Variants in APOOL observed in about 807,000 individuals in gnomAD.
APOOL encodes apolipoprotein O like.
A neutral mutation model predicts 23.1 loss-of-function variants in APOOL; 12 were observed. That is an observed-to-expected ratio of 0.52 (90% confidence interval 0.33 to 0.84). The LOEUF (loss-of-function observed/expected upper bound fraction) is 0.84, where lower values mean the gene tolerates loss of function less well. Among genes scored for constraint, APOOL ranks in the 40% least tolerant of loss-of-function variants. The pLI, the probability that APOOL is intolerant of heterozygous loss-of-function variation, is 0.02. For missense variants in APOOL, 212 were observed against 199.6 expected (o/e 1.06, Z -0.37); for synonymous variants, 77 against 69.9 (o/e 1.10, Z -0.51).
At chrX:85,059,206 C>T (rs894335853) in intron 5 of APOOL, among the ~76,000 whole-genome samples, 1 of 110,124 alleles carries the variant, frequency 9.1e-6, no homozygotes, top group Non-Finnish European at 1.9e-5. Context: ...AGGACATGAA[C>T]TCATCATTTT....
At position 85,042,206 on chromosome X, in the gene APOOL, A is replaced by G. The variant is rs772190491; in HGVS notation, c.16-4240A>G. Among the ~76,000 whole-genome samples the G allele has an allele frequency of 6.2e-5, 7 of 112,402 alleles. No homozygotes were observed. In the East Asian group the frequency reaches 1.9e-3, roughly 31 times the overall value. On this transcript the variant is annotated intron_variant, in intron 1 of 8. Transcript: ENST00000373173. Reference sequence around the variant, plus strand: ...TAAAAGATGAAATTTACAAACCTTTAGCTAGACTAACAAAACAAAAGAGAG... The same window carrying G: ...TAAAAGATGAAATTTACAAACCTTTGGCTAGACTAACAAAACAAAAGAGAG...
chrX:85,041,307 T>C (rs753737397), intron 1 of APOOL, among the ~76,000 whole-genome samples: 28 of 111,854 alleles, frequency 2.5e-4, no homozygotes, highest in Non-Finnish European at 4.5e-4. Context: ...TTTTGGGCTC[T>C]TCTCTCCCTT....
rs769418009 is a variant in APOOL, at chrX:85,041,301, G to A, written c.16-5145G>A. On this transcript the variant is annotated intron_variant, in intron 1 of 8. Coordinates refer to ENST00000373173, the MANE Select transcript of APOOL (RefSeq NM_198450.6). ...GTGTGCTGGAGGCCAGCAATATTTT[G>A]GGCTCTTCTCTCCCTTCTCAGCCTG... is the stretch of plus-strand genomic sequence containing the variant. Among the ~76,000 whole-genome samples the A allele has an allele frequency of 1.1e-4, 12 of 111,746 alleles. No homozygotes were observed. In the South Asian group the frequency reaches 4.5e-3, roughly 42 times the overall value.
At chrX:85,083,008 G>A (rs187766761) in intron 8 of APOOL, among the ~76,000 whole-genome samples, 4 of 111,374 alleles carry the variant, frequency 3.6e-5, no homozygotes, top group Non-Finnish European at 7.5e-5. Flanking sequence ...GGTGAACTGG[G>A]AGGAACCAGA....
At chrX:85,075,183 C>G (rs1225004596) in intron 8 of APOOL, among the ~76,000 whole-genome samples, 1 of 110,406 alleles carries the variant, frequency 9.1e-6, no homozygotes, top group South Asian at 3.8e-4. Flanking sequence ...TAATATGCAC[C>G]CTTTATCGAG....
chrX:85,051,779 GCA>G lies in APOOL; in HGVS notation c.240+273_240+274del, dbSNP rs762215908. Among the ~76,000 whole-genome samples, 4 of 111,701 alleles carry G rather than the reference GCA, an allele frequency of 3.6e-5. No individual in the cohort carries two copies. In the South Asian group the frequency reaches 1.5e-3, roughly 42 times the overall value. On this transcript the variant is annotated intron_variant, in intron 3 of 8. Transcript: ENST00000373173. ...CAAGACAGCTTTATTTGCATCTCTGGCACCTTGTTAAGGATGGCTGGATGACT... is the reference window on the plus strand; with the variant it reads ...CAAGACAGCTTTATTTGCATCTCTGGCCTTGTTAAGGATGGCTGGATGACT...
intron 6 of APOOL, among the ~76,000 whole-genome samples, chrX:85,069,610 TAAA>T (rs774325087): frequency 2.4e-5 from 1 of 40,971 alleles, no homozygotes. Context: ...ACGCCATCTC[TAAA>T]AAAAAAAAAA....
At chrX:85,086,167 T>C (rs1329195424) in intron 8 of APOOL, among the ~76,000 whole-genome samples, 1 of 111,621 alleles carries the variant, frequency 9.0e-6, no homozygotes, top group Non-Finnish European at 1.9e-5. Flanking sequence ...ATGCAATCCA[T>C]CAGTAACCTT....
chrX:85,051,638 A>T, intron 3 of APOOL, 130 bp downstream of exon 3: 1 of 889,505 alleles, frequency 1.1e-6, no homozygotes, highest in Non-Finnish European at 1.6e-6. Context: ...ACATCTTATG[A>T]TTTTGTAAGT....
chrX:85,032,127 A>G (rs1922057147), intron 1 of APOOL, among the ~76,000 whole-genome samples: 1 of 112,243 alleles, frequency 8.9e-6, no homozygotes, highest in South Asian at 3.7e-4. Flanking sequence ...TAAAATGTCT[A>G]AAAAAATACT....
chrX:85,093,115 T>C lies in APOOL; in HGVS notation c.*5437T>C. On this transcript the variant is annotated 3_prime_UTR_variant, in exon 9 of 9. Coordinates refer to ENST00000373173, the MANE Select transcript of APOOL (RefSeq NM_198450.6). ...TCAAATGGTGAGATTAATGATTTAA[T>C]TTATGCCCTGTGAATATTTATTAAG... The C allele has an allele frequency of 1.0e-6, 1 of 1,002,237 alleles. No individual in the cohort carries two copies. Among genetic ancestry groups the C allele is most frequent in the Non-Finnish European group, 1.4e-6 (1 of 735,899 alleles). 82.6% of individuals were successfully genotyped at this position (1,002,237 alleles called of 1,213,427 possible). A position where few individuals can be genotyped will look rare whatever the true frequency, so the allele number is the denominator to read the frequency against.
At chrX:85,026,751 G>A (rs774606675) in intron 1 of APOOL, among the ~76,000 whole-genome samples, 2 of 111,525 alleles carry the variant, frequency 1.8e-5, no homozygotes, top group Non-Finnish European at 3.8e-5. Context: ...CTTCGCTCCA[G>A]TTCCCAAAAT....
At chrX:85,028,633 GA>G (rs1469842780) in intron 1 of APOOL, among the ~76,000 whole-genome samples, 31 of 107,991 alleles carry the variant, frequency 2.9e-4, no homozygotes, top group Non-Finnish European at 5.2e-4. Flanking sequence ...AGGTCTGATT[GA>G]TTTTTTTTTT....
intron 1 of APOOL, among the ~76,000 whole-genome samples, chrX:85,010,555 C>T (rs1007584774): frequency 4.5e-5 from 5 of 111,407 alleles, no homozygotes; most frequent in African/African-American, 9.8e-5. Flanking sequence ...TATGCCTTTG[C>T]ATCCTGATAG....
chrX:85,063,287 T>A (rs1361625085), intron 5 of APOOL, among the ~76,000 whole-genome samples: 2 of 111,695 alleles, frequency 1.8e-5, no homozygotes, highest in Non-Finnish European at 3.8e-5. Flanking sequence ...TTTCTAGATA[T>A]AGGGATCATA....
chrX:85,040,216 C>T (rs779598113), intron 1 of APOOL, among the ~76,000 whole-genome samples: 1 of 112,164 alleles, frequency 8.9e-6, no homozygotes, highest in African/African-American at 3.2e-5. Flanking sequence ...AAGAATGCTG[C>T]ATATAGGCCC....
chrX:85,039,329 TTG>T (rs748582265), intron 1 of APOOL, among the ~76,000 whole-genome samples: 1 of 110,652 alleles, frequency 9.0e-6, no homozygotes, highest in Non-Finnish European at 1.9e-5. Flanking sequence ...TTAGGGCTGA[TTG>T]TGTGGTCAAT....
chrX:85,036,613 T>C (rs1235371543), intron 1 of APOOL, among the ~76,000 whole-genome samples: 1 of 112,040 alleles, frequency 8.9e-6, no homozygotes, highest in Non-Finnish European at 1.9e-5. Context: ...TTGTCATAGA[T>C]GGCTATTATT....
At chrX:85,008,535 T>TTGTGTGTGTGTGTGTGTGTGTGTGTGTG (rs57105866) in intron 1 of APOOL, among the ~76,000 whole-genome samples, 2 of 86,134 alleles carry the variant, frequency 2.3e-5, no homozygotes, top group African/African-American at 4.3e-5. Context: ...TGATAACCCG[T>TTGTGTGTGTGTGTGTGTGTGTGTGTGTG]TGTGTGTGTG....
Sources: allele counts gnomAD v4.1 joint callset (sites outside exome capture counted in the v4.1 genomes callset), GRCh38; gene constraint gnomAD v4.1.1; transcripts MANE v1.5; gene names NCBI Gene and HGNC (gene_info 2026-07-23, HGNC 2026-07-21).